The following CTDSPL variants were observed in gnomAD, a reference collection of about 807,000 sequenced individuals.
CTDSPL encodes the protein CTD small phosphatase-like protein.
In CTDSPL, 8 loss-of-function variants were observed where a neutral mutation model predicts 30.5. The ratio of observed to expected loss-of-function variants is 0.26; its 90% CI spans 0.15 to 0.47. The LOEUF (loss-of-function observed/expected upper bound fraction) is 0.47, where lower values mean the gene tolerates loss of function less well. Ranked by LOEUF, CTDSPL falls within the 20% of genes least tolerant of loss-of-function variation. The probability of loss-of-function intolerance (pLI) is 0.99; values close to 1 mark genes in which losing one functional copy is unlikely to be tolerated. For missense variants in CTDSPL, 248 were observed against 366.1 expected, an observed-to-expected ratio of 0.68 and a Z score of 2.63; for synonymous variants, 110 against 137.9, an observed-to-expected ratio of 0.80 and a Z score of 1.42.
chr3:37,897,939 C>A (rs1314553638), intron 1 of CTDSPL, among the ~76,000 whole-genome samples: 1 of 152,146 alleles, frequency 6.6e-6, no homozygotes, highest in East Asian at 1.9e-4. Context: ...GCCGGTTATA[C>A]ACTAGAGAGC....
At chr3:37,954,050 G>T (rs1699139800) in intron 2 of CTDSPL, among the ~76,000 whole-genome samples, 1 of 152,114 alleles carries the variant, frequency 6.6e-6, no homozygotes, top group African/African-American at 2.4e-5. Flanking sequence ...GTTCTTCTGG[G>T]ACAAAAAATG....
chr3:37,907,475 C>T (rs542710361), intron 1 of CTDSPL, among the ~76,000 whole-genome samples: 7 of 152,258 alleles, frequency 4.6e-5, no homozygotes, highest in African/African-American at 1.7e-4. Context: ...GAGTCTTGTT[C>T]ATTTGACACT....
chr3:37,866,080 A>G (rs555549749), intron 1 of CTDSPL, among the ~76,000 whole-genome samples: 27 of 152,376 alleles, frequency 1.8e-4, no homozygotes, highest in South Asian at 1.7e-3. Context: ...GTGCTCAAAG[A>G]AACATGTACA....
chr3:37,955,336 G>A (rs1469249560), intron 2 of CTDSPL, among the ~76,000 whole-genome samples: 1 of 152,192 alleles, frequency 6.6e-6, no homozygotes, highest in African/African-American at 2.4e-5. Context: ...GCTGAGGCAG[G>A]AGGATGGCTT....
In CTDSPL at chr3:37,930,533, C is replaced by T. The variant is rs544393983; in HGVS notation, c.80-16524C>T. 2.0e-5 allele frequency among the ~76,000 whole-genome samples: 3 copies of T among 152,190 alleles called. No homozygotes were observed. In the East Asian group the frequency reaches 5.8e-4, roughly 29 times the overall value. ...TGTGTTTCCCAGGCTTGGTCTCGAA[C>T]TCTGGGCCTCAAGCAATCCTCTCAC... On this transcript the variant is annotated intron_variant, in intron 1 of 7. Transcript: ENST00000273179.
intron 1 of CTDSPL, among the ~76,000 whole-genome samples, chr3:37,927,352 T>C (rs1309796007): frequency 1.3e-5 from 2 of 152,148 alleles, no homozygotes; most frequent in African/African-American, 2.4e-5. Flanking sequence ...TTAAGGTATA[T>C]ATGAAATATA....
intron 1 of CTDSPL, among the ~76,000 whole-genome samples, chr3:37,919,049 G>A (rs768670005): frequency 2.0e-5 from 3 of 152,054 alleles, no homozygotes; most frequent in African/African-American, 4.8e-5. Context: ...AAAATCTCTC[G>A]TTGGCTGAAT....
chr3:37,915,799 C>T (rs964120978), intron 1 of CTDSPL, among the ~76,000 whole-genome samples: 4 of 152,096 alleles, frequency 2.6e-5, no homozygotes, highest in Non-Finnish European at 4.4e-5. Context: ...ATAATACATT[C>T]ATCTTGTCTT....
At chr3:37,963,872 T>A (rs925397148) in intron 3 of CTDSPL, among the ~76,000 whole-genome samples, 2 of 151,930 alleles carry the variant, frequency 1.3e-5, no homozygotes, top group African/African-American at 4.8e-5. Flanking sequence ...GGGGTAAAAA[T>A]ACCACATTTG....
In CTDSPL at chr3:37,975,453, G is replaced by A. The variant is rs74640296; in HGVS notation, c.520-256G>A. 6.6e-6 allele frequency among the ~76,000 whole-genome samples: 1 copy of A among 152,168 alleles called. No homozygotes were observed. The highest frequency in any genetic ancestry group is 1.5e-5 in the Non-Finnish European group (1 of 68,034). On this transcript the variant is annotated intron_variant, in intron 6 of 7. Coordinates refer to ENST00000273179, the MANE Select transcript of CTDSPL (RefSeq NM_001008392.2). The surrounding 1 kb of genome is among the most constrained non-coding windows in gnomAD (Gnocchi z 4.9). ...ATTCGAGGCCCAGGCTAAGGGTGGTGGCAATATAAATAGATGCAAATGGAG... is the reference window on the plus strand; with the variant it reads ...ATTCGAGGCCCAGGCTAAGGGTGGTAGCAATATAAATAGATGCAAATGGAG...
At chr3:37,880,660 T>G (rs1443836676) in intron 1 of CTDSPL, among the ~76,000 whole-genome samples, 1 of 152,196 alleles carries the variant, frequency 6.6e-6, no homozygotes, top group Admixed American at 6.5e-5. Context: ...CCAATAGCAT[T>G]TATCTCTGAA....
At chr3:37,956,896 C>T (rs1173078189) in intron 2 of CTDSPL, among the ~76,000 whole-genome samples, 1 of 152,160 alleles carries the variant, frequency 6.6e-6, no homozygotes, top group Non-Finnish European at 1.5e-5. Context: ...GGAGCCCAGC[C>T]TGGCTTGTTG....
Position 37,873,898 on chromosome 3 carries a change from A to G in CTDSPL, c.79+11620A>G, listed in dbSNP as rs188681213. Among the ~76,000 whole-genome samples, 105 of 152,376 alleles carry G rather than the reference A, an allele frequency of 6.9e-4. 1 individual carries two copies. The highest frequency in any genetic ancestry group is 2.4e-3 in the African/African-American group (101 of 41,592). On this transcript the variant is annotated intron_variant, in intron 1 of 7. Transcript: ENST00000273179. ...TGCATTCATAAACTTTGGTCTTAAT[A>G]TCAAAATTTTAGCTTCAAGTTCATG...
chr3:37,920,833 A>G (rs1053252823), intron 1 of CTDSPL, among the ~76,000 whole-genome samples: 4 of 152,138 alleles, frequency 2.6e-5, no homozygotes, highest in Non-Finnish European at 4.4e-5. Flanking sequence ...GCTTGGTCTG[A>G]TTTGCTCACT....
chr3:37,875,932 T>C (rs1698130021), intron 1 of CTDSPL, among the ~76,000 whole-genome samples: 1 of 152,202 alleles, frequency 6.6e-6, no homozygotes, highest in South Asian at 2.1e-4. Context: ...TCTTCTGTCC[T>C]TGAATTTTTT....
chr3:37,908,525 A>G (rs917377526), intron 1 of CTDSPL, among the ~76,000 whole-genome samples: 3 of 152,194 alleles, frequency 2.0e-5, no homozygotes, highest in Non-Finnish European at 4.4e-5. Context: ...TTTATTAGCC[A>G]TTCCCTCTTT....
chr3:37,886,765 G>A (rs939845471), intron 1 of CTDSPL, among the ~76,000 whole-genome samples: 4 of 152,140 alleles, frequency 2.6e-5, no homozygotes, highest in Non-Finnish European at 5.9e-5. Context: ...GACCAAAACA[G>A]TGGTTATCAA....
At chr3:37,890,373 TGTG>T (rs745559607) in intron 1 of CTDSPL, among the ~76,000 whole-genome samples, 28 of 152,112 alleles carry the variant, frequency 1.8e-4, no homozygotes, top group Admixed American at 1.0e-3. Flanking sequence ...GAAGGGAAAA[TGTG>T]GTGGTGCAAA....
At position 37,975,853 on chromosome 3, in the gene CTDSPL, G is replaced by C; in HGVS notation, c.664G>C (p.Asp222His). 1.2e-6 allele frequency: 2 copies of C among 1,614,164 alleles called. No individual in the cohort carries two copies. Among genetic ancestry groups the C allele is most frequent in the Non-Finnish European group, 1.7e-6 (2 of 1,180,034 alleles). ...GRELSKVIIVDNSPASYIFHP... is the reference protein window; with the variant it reads ...GRELSKVIIVHNSPASYIFHP... Reference sequence around the variant, plus strand: ...GGAGCTGAGCAAAGTGATCATTGTTGACAATTCCCCTGCCTCATACATCTT... The same window carrying C: ...GGAGCTGAGCAAAGTGATCATTGTTCACAATTCCCCTGCCTCATACATCTT... The change falls in exon 7 of 8, where the codon GAC becomes CAC. Residue 222 changes from aspartate (D) to histidine (H), a missense_variant. By Grantham distance (81) the Asp-to-His change is moderately conservative (BLOSUM62 -1). Around this residue, in one of 4 missense-constraint regions of CTDSPL, gnomAD observed 84 missense variants for 139.4 expected, o/e 0.60. Transcript: ENST00000273179. This position sits in a 1 kb window ranked among gnomAD's most constrained non-coding sequence, Gnocchi z 4.9.
Sources: gnomAD v4.1 joint callset for allele counts (sites outside exome capture counted in the v4.1 genomes callset) on GRCh38, gnomAD v4.1.1 for gene constraint, gnomAD v4.1.1 regional missense constraint, Gnocchi (gnomAD v3.1) non-coding constraint, MANE v1.5 for transcripts, NCBI Gene and HGNC (gene_info 2026-07-23, HGNC 2026-07-21) for gene names.